SLCO1A2: variants seen among roughly 807,000 people sequenced by gnomAD.
SLCO1A2 encodes the protein OATP-1.
A neutral mutation model predicts 69.0 loss-of-function variants in SLCO1A2; 67 were observed. The ratio of observed to expected loss-of-function variants is 0.97; its 90% confidence interval spans 0.80 to 1.19. SLCO1A2 has a LOEUF of 1.19. Among genes scored for constraint, SLCO1A2 ranks in the 50% most tolerant of loss-of-function variants. SLCO1A2 has a pLI of 0.00. For synonymous variants in SLCO1A2, 260 were observed against 265.9 expected (o/e 0.98, Z 0.22); for missense variants, 787 against 793.7 (o/e 0.99, Z 0.10).
At chr12:21,300,283 A>C (rs1000147001) in intron 8 of SLCO1A2, 65 bp downstream of exon 8, 8 of 1,197,854 alleles carry the variant, frequency 6.7e-6, no homozygotes, top group Non-Finnish European at 9.4e-6. Flanking sequence ...TGTTAGACTA[A>C]AATACAGACA....
chr12:21,314,667 T>C lies in SLCO1A2; in HGVS notation c.217A>G (p.Ile73Val), dbSNP rs1313647694. The C allele has an allele frequency of 1.2e-5, 20 of 1,603,096 alleles. No homozygotes were observed. The highest frequency in any genetic ancestry group is 1.3e-5 in the African/African-American group (1 of 74,652). The change falls in exon 4 of 15, where the codon ATT (isoleucine) becomes GTT (valine). Residue 73 changes from isoleucine (I) to valine (V), a missense_variant. By Grantham distance (29) the Ile-to-Val change is conservative (BLOSUM62 3). Transcript: ENST00000683939. The part of the protein sequence containing the change: ...GSFEIGNLLL[I>V]IFVSYFGTKL... ...GTTCCAAAATAACTCACAAATATAA[T>C]CAACAAAAGATTTCCTAGGAAAAAA...
At chr12:21,363,621 A>G (rs1939120600) in intron 2 of SLCO1A2, among the ~76,000 whole-genome samples, 1 of 152,192 alleles carries the variant, frequency 6.6e-6, no homozygotes, top group Non-Finnish European at 1.5e-5. Context: ...GGTTTTTGGA[A>G]AAGATGAACA....
chr12:21,381,347 T>C lies in SLCO1A2; in HGVS notation c.-189-6822A>G, dbSNP rs187725003. ...AAAAATAAATAATCCCATTGAAAAG[T>C]GGGCAAAGGACATGAATAGACATTT... On this transcript the variant is annotated intron_variant, in intron 1 of 15. Coordinates refer to the SLCO1A2 transcript ENST00000307378. Among the ~76,000 whole-genome samples, 11 of 151,742 alleles carry C rather than the reference T, an allele frequency of 7.2e-5. No homozygotes were observed. The East Asian group carries it at 2.1e-3, about 29-fold the overall frequency.
chr12:21,317,635 T>G (rs1369203885), intron 3 of SLCO1A2, among the ~76,000 whole-genome samples: 1 of 152,200 alleles, frequency 6.6e-6, no homozygotes, highest in Non-Finnish European at 1.5e-5. Context: ...ACTCTCTCAC[T>G]GGGATCAGCA....
At chr12:21,272,599 G>GTTGA (rs1222050299) in intron 14 of SLCO1A2, among the ~76,000 whole-genome samples, 7 of 151,886 alleles carry the variant, frequency 4.6e-5, no homozygotes, top group African/African-American at 1.7e-4. Flanking sequence ...AACTACAGAA[G>GTTGA]TTGATTTAGT....
chr12:21,348,305 T>C (rs201260015), intron 2 of SLCO1A2, among the ~76,000 whole-genome samples: 1 of 152,202 alleles, frequency 6.6e-6, no homozygotes, highest in African/African-American at 2.4e-5. Flanking sequence ...TTGACTATAG[T>C]CACCCTGTTG....
intron 2 of SLCO1A2, among the ~76,000 whole-genome samples, chr12:21,361,959 GGA>G (rs1184496731): frequency 2.6e-4 from 40 of 152,168 alleles, no homozygotes; most frequent in Admixed American, 9.2e-4. Flanking sequence ...GAACCAAGTT[GGA>G]AAACACTCTT....
upstream of SLCO1A2, among the ~76,000 whole-genome samples, chr12:21,419,008 T>C (rs146764428): frequency 2.8e-3 from 420 of 152,288 alleles, no homozygotes; most frequent in Non-Finnish European, 4.5e-3. Context: ...GAAATAGATA[T>C]ACTTTTCCCT....
chr12:21,273,849 A>G (rs906397276), intron 14 of SLCO1A2: 1 of 152,212 alleles, frequency 6.6e-6, no homozygotes, highest in East Asian at 1.9e-4. Flanking sequence ...ATTGTTTTAT[A>G]TTGAATGAAG....
chr12:21,413,232 T>TTTTCC (rs1941937393), intron 1 of SLCO1A2, among the ~76,000 whole-genome samples: 4 of 99,786 alleles, frequency 4.0e-5, no homozygotes, highest in Non-Finnish European at 8.4e-5. Flanking sequence ...TTTCTTTTTC[T>TTTTCC]TTTTCTTTTT....
At chr12:21,321,594 T>C (rs1271261926) in intron 2 of SLCO1A2, among the ~76,000 whole-genome samples, 3 of 152,224 alleles carry the variant, frequency 2.0e-5, no homozygotes, top group Non-Finnish European at 4.4e-5. Flanking sequence ...TTCAGTATCA[T>C]CTCCTGTTGC....
chr12:21,302,627 C>T (rs1180224748), intron 6 of SLCO1A2, among the ~76,000 whole-genome samples: 6 of 151,844 alleles, frequency 4.0e-5, no homozygotes, highest in African/African-American at 7.3e-5. Flanking sequence ...CTCCACCTCC[C>T]GGGTTCAAGT....
At chr12:21,299,440 G>GT (rs1277125080) in intron 8 of SLCO1A2, among the ~76,000 whole-genome samples, 3 of 151,822 alleles carry the variant, frequency 2.0e-5, no homozygotes, top group Non-Finnish European at 4.4e-5. Context: ...AATATTACCT[G>GT]TATCATGTAT....
At chr12:21,381,816 G>A (rs917516646) in intron 1 of SLCO1A2, among the ~76,000 whole-genome samples, 3 of 152,066 alleles carry the variant, frequency 2.0e-5, no homozygotes, top group African/African-American at 7.2e-5. Context: ...AAAGAAAAAA[G>A]TAGAAAAACA....
chr12:21,301,344 C>G, intron 6 of SLCO1A2, 75 bp from the exon 7 acceptor site: 1 of 902,676 alleles, frequency 1.1e-6, no homozygotes, highest in East Asian at 2.9e-5. Context: ...TATGAAAAGC[C>G]TGAAGATTGA....
At chr12:21,299,840 G>A (rs1384538780) in intron 8 of SLCO1A2, among the ~76,000 whole-genome samples, 2 of 134,408 alleles carry the variant, frequency 1.5e-5, no homozygotes, top group East Asian at 2.1e-4. Flanking sequence ...ACATATATGT[G>A]TATATATATA....
chr12:21,270,711 G>GTAAT (rs1303246651), intron 14 of SLCO1A2, among the ~76,000 whole-genome samples: 3 of 130,556 alleles, frequency 2.3e-5, no homozygotes, highest in Non-Finnish European at 4.9e-5. Flanking sequence ...ATAAAATCTG[G>GTAAT]TAATATATAA....
rs1298164303 is a variant in SLCO1A2, at chr12:21,281,042, CAAAT to C, written c.1611-5622_1611-5619del. On this transcript the variant is annotated intron_variant, in intron 12 of 14. Coordinates refer to ENST00000683939, the MANE Select transcript of SLCO1A2 (RefSeq NM_001386879.1). ...AAGAAAATTTAAAAATTTCTTAAAA[CAAAT>C]AATAACAGAAACACAACATACCAAA... Among the ~76,000 whole-genome samples the C allele has an allele frequency of 5.3e-5, 8 of 152,100 alleles. No individual in the cohort carries two copies. In the South Asian group the frequency reaches 1.7e-3, roughly 32 times the overall value.
At chr12:21,308,777 T>C (rs1041509305) in intron 4 of SLCO1A2, among the ~76,000 whole-genome samples, 1 of 152,222 alleles carries the variant, frequency 6.6e-6, no homozygotes, top group African/African-American at 2.4e-5. Context: ...AGTCCCTGCG[T>C]AATGACTCTA....
Sources: gnomAD v4.1 joint callset for allele counts (sites outside exome capture counted in the v4.1 genomes callset) on GRCh38, gnomAD v4.1.1 for gene constraint, MANE v1.5 for transcripts, NCBI Gene and HGNC (gene_info 2026-07-23, HGNC 2026-07-21) for gene names.